AGAP1: variants seen among roughly 807,000 people sequenced by gnomAD.
The protein encoded by AGAP1 is arf-GAP with GTPase, ANK repeat and PH domain-containing protein 1.
AGAP1 carries 29 observed loss-of-function variants against 105.3 expected under a neutral mutation model. That is an observed-to-expected ratio of 0.28 (90% CI 0.21 to 0.38). AGAP1 has a LOEUF of 0.38. Ranked by LOEUF, AGAP1 falls within the 10% of genes least tolerant of loss-of-function variation. AGAP1 has a pLI of 1.00. For missense variants in AGAP1, 998 were observed against 1,165.1 expected (o/e 0.86, Z 2.09); for synonymous variants, 509 against 485.9 (o/e 1.05, Z -0.63).
At chr2:235,570,968 A>G (rs1158601842) in intron 1 of AGAP1, among the ~76,000 whole-genome samples, 1 of 152,224 alleles carries the variant, frequency 6.6e-6, no homozygotes, top group Non-Finnish European at 1.5e-5. Flanking sequence ...TGCAGGCTGT[A>G]CAGGAAGCGT....
At position 235,675,468 on chromosome 2, in the gene AGAP1, C is replaced by T. The variant is rs374833695; in HGVS notation, c.164-33711C>T. 2.0e-4 allele frequency among the ~76,000 whole-genome samples: 31 copies of T among 152,084 alleles called. 2 individuals are homozygous for T. In the East Asian group the frequency reaches 4.3e-3, roughly 21 times the overall value. On this transcript the variant is annotated intron_variant, in intron 1 of 17. Transcript: ENST00000304032. ...TGCTGGGATTACAAGCCTGAGCGAC[C>T]GCGCCTGGCCTGAAAAGGACACTAG...
rs566967437 is a variant in AGAP1 at position 235,983,353 on chromosome 2, A to G, written c.1645+14730A>G. ...TCCTTTTGTTCAGCTCCTCCTCTCC[A>G]GCACCAACCTCCCATCACTTTCTAC... On this transcript the variant is annotated intron_variant, in intron 13 of 17. Coordinates refer to ENST00000304032, the MANE Select transcript of AGAP1 (RefSeq NM_001037131.3). This position sits in a 1 kb window ranked among gnomAD's most constrained non-coding sequence, Gnocchi z 4.5. Among the ~76,000 whole-genome samples, 1 of 152,274 alleles carries G rather than the reference A, an allele frequency of 6.6e-6. No individual in the cohort carries two copies. The highest frequency in any genetic ancestry group is 6.5e-5 in the Admixed American group (1 of 15,300).
At chr2:235,670,352 C>A (rs760208945) in intron 1 of AGAP1, 35 of 521,010 alleles carry the variant, frequency 6.7e-5, no homozygotes, top group Non-Finnish European at 9.7e-5. Flanking sequence ...ACCGGAGGGT[C>A]CCCGGCCGCG....
chr2:235,958,168 G>C lies in AGAP1; in HGVS notation c.1484-10294G>C, dbSNP rs773575436. ...AGCCAACCCTTCGGGAACCATTGCAGCTCTCCCAGAGTGAGTGTTGCCTGC... is the reference window on the plus strand; with the variant it reads ...AGCCAACCCTTCGGGAACCATTGCACCTCTCCCAGAGTGAGTGTTGCCTGC... On this transcript the variant is annotated intron_variant, in intron 12 of 17. Transcript: ENST00000304032. The surrounding 1 kb of genome is among the most constrained non-coding windows in gnomAD (Gnocchi z 4.1). 2.0e-5 allele frequency among the ~76,000 whole-genome samples: 3 copies of C among 152,144 alleles called. No individual in the cohort carries two copies. Among genetic ancestry groups the C allele is most frequent in the Non-Finnish European group, 2.9e-5 (2 of 68,028 alleles).
At chr2:235,694,433 C>G (rs570103991) in intron 1 of AGAP1, among the ~76,000 whole-genome samples, 1 of 148,658 alleles carries the variant, frequency 6.7e-6, no homozygotes, top group South Asian at 2.1e-4. Flanking sequence ...TAGCCGAGAT[C>G]GCACCACTGC....
At chr2:235,857,225 A>G (rs1490760866) in intron 9 of AGAP1, among the ~76,000 whole-genome samples, 3 of 152,164 alleles carry the variant, frequency 2.0e-5, no homozygotes, top group Non-Finnish European at 4.4e-5. Flanking sequence ...ATTCTCACAG[A>G]AGTGCGAACC....
At position 235,904,962 on chromosome 2, in the gene AGAP1, C is replaced by G. The variant is rs1358014066; in HGVS notation, c.1156-3776C>G. On this transcript the variant is annotated intron_variant, in intron 10 of 17. Coordinates refer to ENST00000304032, the MANE Select transcript of AGAP1 (RefSeq NM_001037131.3). The surrounding 1 kb of genome is among the most constrained non-coding windows in gnomAD (Gnocchi z 4.2). ...TATAAGAATTGGCTATTTTAAATACCGATTTTATTTATTTTTTTTTTTTAG... is the reference window on the plus strand; with the variant it reads ...TATAAGAATTGGCTATTTTAAATACGGATTTTATTTATTTTTTTTTTTTAG... Among the ~76,000 whole-genome samples the G allele has an allele frequency of 6.6e-6, 1 of 151,822 alleles. No individual in the cohort carries two copies. Among genetic ancestry groups the G allele is most frequent in the Admixed American group, 6.6e-5 (1 of 15,242 alleles).
chr2:235,819,256 A>G (rs1319516139), intron 9 of AGAP1, among the ~76,000 whole-genome samples: 1 of 151,868 alleles, frequency 6.6e-6, no homozygotes, highest in Non-Finnish European at 1.5e-5. Flanking sequence ...TGGGACTACA[A>G]GCACACACCA....
chr2:236,001,148 C>A lies in AGAP1; in HGVS notation c.1645+32525C>A, dbSNP rs1344811599. Among the ~76,000 whole-genome samples, 2 of 152,066 alleles carry A rather than the reference C, an allele frequency of 1.3e-5. No individual in the cohort carries two copies. Among genetic ancestry groups the A allele is most frequent in the Non-Finnish European group, 2.9e-5 (2 of 68,004 alleles). ...AGGAAACACCACATGGAGACTCTGG[C>A]GGTGGCTGGGGCAGCGCGGCTGTGG... is the stretch of plus-strand genomic sequence containing the variant. On this transcript the variant is annotated intron_variant, in intron 13 of 17. Transcript: ENST00000304032. This position sits in a 1 kb window ranked among gnomAD's most constrained non-coding sequence, Gnocchi z 4.7.
intron 1 of AGAP1, among the ~76,000 whole-genome samples, chr2:235,685,951 G>A (rs895764942): frequency 5.9e-5 from 9 of 152,184 alleles, no homozygotes; most frequent in African/African-American, 2.2e-4. Context: ...TCAAAGTGGG[G>A]AGGGGGCTTC....
chr2:235,660,167 A>C lies in AGAP1; in HGVS notation c.164-49012A>C, dbSNP rs1254138331. Reference sequence around the variant, plus strand: ...GGCTTTCTCAGGGGGGCGGCCACCCAAGATCAGCTGCGGCTGAGGATTTTT... The same window carrying C: ...GGCTTTCTCAGGGGGGCGGCCACCCCAGATCAGCTGCGGCTGAGGATTTTT... On this transcript the variant is annotated intron_variant, in intron 1 of 17. Transcript: ENST00000304032. This position sits in a 1 kb window ranked among gnomAD's most constrained non-coding sequence, Gnocchi z 5.3. Among the ~76,000 whole-genome samples the C allele has an allele frequency of 6.6e-6, 1 of 152,052 alleles. No homozygotes were observed. Among genetic ancestry groups the C allele is most frequent in the Non-Finnish European group, 1.5e-5 (1 of 67,998 alleles).
chr2:235,991,001 G>T (rs1220947404), intron 13 of AGAP1, among the ~76,000 whole-genome samples: 2 of 152,126 alleles, frequency 1.3e-5, no homozygotes, highest in African/African-American at 2.4e-5. Flanking sequence ...TGAGGCTGTC[G>T]CCAGGTGGCC....
intron 16 of AGAP1, among the ~76,000 whole-genome samples, chr2:236,099,105 C>G (rs1530935): frequency 0.72 from 109,267 of 151,814 alleles, 39,963 homozygotes; most frequent in African/African-American, 0.85. Context: ...ACAGGGTGGG[C>G]CGGGGGGACT....
At chr2:235,584,653 C>A (rs976579871) in intron 1 of AGAP1, among the ~76,000 whole-genome samples, 3 of 151,730 alleles carry the variant, frequency 2.0e-5, no homozygotes, top group African/African-American at 7.3e-5. Flanking sequence ...CTGCAGACAC[C>A]TTGATTTTTG....
rs1951388558 is a variant in AGAP1, at chr2:235,721,593, T to C, written c.310+3949T>C. Among the ~76,000 whole-genome samples the C allele has an allele frequency of 6.6e-6, 1 of 152,168 alleles. No homozygotes were observed. The highest frequency in any genetic ancestry group is 6.5e-5 in the Admixed American group (1 of 15,276). ...CACACAGTGTGGCTTAAAACAGAAATGTATTCTCATAGTTCTCAGAAGTCT... is the reference window on the plus strand; with the variant it reads ...CACACAGTGTGGCTTAAAACAGAAACGTATTCTCATAGTTCTCAGAAGTCT... On this transcript the variant is annotated intron_variant, in intron 3 of 17. Coordinates refer to ENST00000304032, the MANE Select transcript of AGAP1 (RefSeq NM_001037131.3). The surrounding 1 kb of genome is among the most constrained non-coding windows in gnomAD (Gnocchi z 4.5).
Position 236,080,228 on chromosome 2 carries a change from T to TG in AGAP1, c.2114+30950dup, listed in dbSNP as rs1470191289. On this transcript the variant is annotated intron_variant, in intron 16 of 17. Coordinates refer to ENST00000304032, the MANE Select transcript of AGAP1 (RefSeq NM_001037131.3). This position sits in a 1 kb window ranked among gnomAD's most constrained non-coding sequence, Gnocchi z 4.2. ...CTGTGCATGTTCTTGGAAAGATAGT[T>TG]GGGAAAAAAGGCAGGCAGAGCCTCT... Among the ~76,000 whole-genome samples, 1 of 152,102 alleles carries TG rather than the reference T, an allele frequency of 6.6e-6. No homozygotes were observed. The highest frequency in any genetic ancestry group is 1.5e-5 in the Non-Finnish European group (1 of 68,014).
intron 9 of AGAP1, among the ~76,000 whole-genome samples, chr2:235,859,091 ATCTTTATTAATGGTGCTCGGCGGCTGCT>A (rs1464808021): frequency 1.3e-5 from 2 of 152,250 alleles, no homozygotes; most frequent in Non-Finnish European, 1.5e-5. Context: ...TGTTGTCTCG[ATCTTTATTAATGGTGCTCGGCGGCTGCT>A]GACAGTTTTG....
Position 235,569,896 on chromosome 2 carries a change from G to A in AGAP1, c.163+75047G>A, listed in dbSNP as rs1158660315. ...TCTCTTTACTTGTTTAGTGAAAACA[G>A]CAAAAATTTAGAATGTTTATAGAAT... On this transcript the variant is annotated intron_variant, in intron 1 of 17. Transcript: ENST00000304032. This position sits in a 1 kb window ranked among gnomAD's most constrained non-coding sequence, Gnocchi z 5.9. Among the ~76,000 whole-genome samples, 1 of 152,128 alleles carries A rather than the reference G, an allele frequency of 6.6e-6. No homozygotes were observed. Among genetic ancestry groups the A allele is most frequent in the Non-Finnish European group, 1.5e-5 (1 of 68,022 alleles).
chr2:235,755,795 C>T (rs1309116970), intron 6 of AGAP1, among the ~76,000 whole-genome samples: 3 of 152,186 alleles, frequency 2.0e-5, no homozygotes, highest in Admixed American at 6.5e-5. Context: ...AAGCAGCTTT[C>T]TGAGTGGCAG....
Sources: allele counts gnomAD v4.1 joint callset (sites outside exome capture counted in the v4.1 genomes callset), GRCh38; gene constraint gnomAD v4.1.1; non-coding constraint Gnocchi (gnomAD v3.1); transcripts MANE v1.5; gene names NCBI Gene and HGNC (gene_info 2026-07-23, HGNC 2026-07-21).